Variants in CENPW observed in about 807,000 individuals in gnomAD.
The protein encoded by CENPW is centromere protein W, also known as cancer-up-regulated gene 2 protein.
In CENPW, 3 loss-of-function variants were observed where a neutral mutation model predicts 11.1. The observed-to-expected ratio is 0.27, with a 90% confidence interval of 0.12 to 0.70. CENPW has a LOEUF of 0.70. CENPW is among the 30% of genes least tolerant of loss of function. The probability of loss-of-function intolerance (pLI) is 0.77; values close to 1 mark genes in which losing one functional copy is unlikely to be tolerated. For synonymous variants in CENPW, 38 were observed against 42.0 expected (o/e 0.91, Z 0.37); for missense variants, 100 against 105.6 (o/e 0.95, Z 0.23).
chr6:126,364,289 A>G, the CENPW span, among the ~76,000 whole-genome samples: 1 of 152,202 alleles, frequency 6.6e-6, no homozygotes, highest in African/African-American at 2.4e-5. Context: ...TCCTTGTGTC[A>G]CGTTCAAAGG....
At chr6:126,451,574 T>G in the CENPW span, among the ~76,000 whole-genome samples, 1 of 151,078 alleles carries the variant, frequency 6.6e-6, no homozygotes, top group Non-Finnish European at 1.5e-5. Flanking sequence ...CCAAGCAAGC[T>G]TGTAGGGTGG....
At chr6:126,388,009 T>C in the CENPW span, among the ~76,000 whole-genome samples, 1 of 151,906 alleles carries the variant, frequency 6.6e-6, no homozygotes, top group Admixed American at 6.6e-5. Flanking sequence ...AAAAGATAGC[T>C]TCATTCTGCT....
chr6:126,353,655 T>A (rs1780516367), downstream of CENPW, among the ~76,000 whole-genome samples: 1 of 152,028 alleles, frequency 6.6e-6, no homozygotes, highest in Admixed American at 6.6e-5. Flanking sequence ...TCTTGGCCAT[T>A]CTCTTTTCAT....
downstream of CENPW, among the ~76,000 whole-genome samples, chr6:126,351,329 A>G (rs1780488713): frequency 6.6e-6 from 1 of 152,020 alleles, no homozygotes; most frequent in African/African-American, 2.4e-5. Flanking sequence ...TGTAGATAGG[A>G]ATTTTGCTGT....
chr6:126,425,854 G>A, the CENPW span, among the ~76,000 whole-genome samples: 2 of 150,608 alleles, frequency 1.3e-5, no homozygotes, highest in South Asian at 2.1e-4. Flanking sequence ...TCATCTCTAA[G>A]GTACAGCATG....
the CENPW span, among the ~76,000 whole-genome samples, chr6:126,439,082 A>G: frequency 5.3e-5 from 8 of 151,650 alleles, no homozygotes; most frequent in African/African-American, 1.9e-4. Context: ...TTTTTCTCCT[A>G]TTAAGAAGGG....
chr6:126,396,554 A>C, the CENPW span, among the ~76,000 whole-genome samples: 1 of 152,234 alleles, frequency 6.6e-6, no homozygotes, highest in African/African-American at 2.4e-5. Context: ...CACTGTGATC[A>C]AGGTGGTACC....
At chr6:126,469,892 C>T in the CENPW span, among the ~76,000 whole-genome samples, 4 of 152,074 alleles carry the variant, frequency 2.6e-5, no homozygotes, top group African/African-American at 9.7e-5. Flanking sequence ...AAGAGGTGAC[C>T]TCACTGATTC....
At chr6:126,393,085 T>A in the CENPW span, among the ~76,000 whole-genome samples, 2 of 152,106 alleles carry the variant, frequency 1.3e-5, no homozygotes, top group South Asian at 4.1e-4. Flanking sequence ...GGTATATTGT[T>A]GCTTATAGTA....
chr6:126,463,074 G>A, the CENPW span, among the ~76,000 whole-genome samples: 83 of 152,108 alleles, frequency 5.5e-4, no homozygotes, highest in African/African-American at 1.9e-3. Context: ...CTGGAATCAC[G>A]AGTTTTAACT....
chr6:126,416,586 C>T, the CENPW span, among the ~76,000 whole-genome samples: 3 of 152,134 alleles, frequency 2.0e-5, no homozygotes, highest in East Asian at 5.8e-4. Flanking sequence ...GGTCCCTGTG[C>T]TGTGTGCAGC....
chr6:126,457,558 T>C, the CENPW span, among the ~76,000 whole-genome samples: 1 of 151,252 alleles, frequency 6.6e-6, no homozygotes, highest in Non-Finnish European at 1.5e-5. Flanking sequence ...TGGGGCCTAC[T>C]GTAATCATTC....
chr6:126,466,289 CTG>C, the CENPW span, among the ~76,000 whole-genome samples: 2 of 152,174 alleles, frequency 1.3e-5, no homozygotes, highest in East Asian at 1.9e-4. Context: ...GGCTAAGTAA[CTG>C]TAAATCACTG....
At chr6:126,362,464 T>C in the CENPW span, among the ~76,000 whole-genome samples, 1 of 152,182 alleles carries the variant, frequency 6.6e-6, no homozygotes, top group Non-Finnish European at 1.5e-5. Flanking sequence ...GTCTCAGTGC[T>C]CAGCTTCCTC....
chr6:126,412,290 G>A, the CENPW span, among the ~76,000 whole-genome samples: 1 of 151,556 alleles, frequency 6.6e-6, no homozygotes, highest in Non-Finnish European at 1.5e-5. Flanking sequence ...AGCCTGCATT[G>A]GCTTCATCTC....
At chr6:126,449,428 T>C in the CENPW span, among the ~76,000 whole-genome samples, 1 of 150,954 alleles carries the variant, frequency 6.6e-6, no homozygotes, top group Non-Finnish European at 1.5e-5. Context: ...AATGAAAAAA[T>C]GAATGATCTC....
the CENPW span, among the ~76,000 whole-genome samples, chr6:126,480,341 G>A: frequency 6.6e-6 from 1 of 151,962 alleles, no homozygotes; most frequent in Non-Finnish European, 1.5e-5. Flanking sequence ...CTATGAACAT[G>A]GGACAGAGAA....
At chr6:126,467,912 TC>T in the CENPW span, among the ~76,000 whole-genome samples, 1 of 152,186 alleles carries the variant, frequency 6.6e-6, no homozygotes. Flanking sequence ...ATGAAAATTG[TC>T]CTTTACCTGT....
At chr6:126,402,826 C>A in the CENPW span, among the ~76,000 whole-genome samples, 4 of 151,928 alleles carry the variant, frequency 2.6e-5, no homozygotes, top group Non-Finnish European at 5.9e-5. Context: ...TATTCATGTA[C>A]AAAGCAGGCT....
Sources: gnomAD v4.1 joint callset for allele counts (sites outside exome capture counted in the v4.1 genomes callset) on GRCh38, gnomAD v4.1.1 for gene constraint, MANE v1.5 for transcripts, NCBI Gene and HGNC (gene_info 2026-07-23, HGNC 2026-07-21) for gene names.